The following TENM2 variants were observed in gnomAD, a reference collection of about 807,000 sequenced individuals.
TENM2 encodes teneurin transmembrane protein 2.
Under a neutral mutation model 245.2 loss-of-function variants are expected in TENM2, and 52 were observed. That is an observed-to-expected ratio of 0.21 (90% CI 0.17 to 0.27). TENM2 has a LOEUF of 0.27. Ranked by LOEUF, TENM2 falls within the 10% of genes least tolerant of loss-of-function variation. The pLI, the probability that TENM2 is intolerant of heterozygous loss-of-function variation, is 1.00. For synonymous variants in TENM2, 1,363 were observed against 1,438.9 expected, an observed-to-expected ratio of 0.95 and a Z score of 1.19; for missense variants, 3,046 against 3,666.8, an observed-to-expected ratio of 0.83 and a Z score of 4.37.
intron 2 of TENM2, among the ~76,000 whole-genome samples, chr5:167,624,277 A>G (rs1778362619): frequency 1.3e-5 from 2 of 152,184 alleles, no homozygotes; most frequent in South Asian, 4.1e-4. Context: ...AGCAACGTGG[A>G]TGCAGCTGCA....
chr5:167,561,211 A>G (rs926121943), intron 2 of TENM2, among the ~76,000 whole-genome samples: 3 of 152,212 alleles, frequency 2.0e-5, no homozygotes, highest in Non-Finnish European at 2.9e-5. Context: ...GGAAAACCTG[A>G]TGCAACCTGA....
exon 13 of TENM2, chr5:168,162,689 G>A: frequency 6.2e-7 from 1 of 1,614,074 alleles, no homozygotes; most frequent in Non-Finnish European, 8.5e-7. Flanking sequence ...TGCCAGACCG[G>A]CTGGAGAGGG....
At chr5:168,097,121 C>T (rs2152273532) in intron 8 of TENM2, among the ~76,000 whole-genome samples, 1 of 152,250 alleles carries the variant, frequency 6.6e-6, no homozygotes, top group South Asian at 2.1e-4. Flanking sequence ...CAAAATCCTG[C>T]CTAATTTAAG....
the TENM2 span, among the ~76,000 whole-genome samples, chr5:167,044,936 A>G: frequency 6.6e-6 from 1 of 152,212 alleles, no homozygotes; most frequent in Non-Finnish European, 1.5e-5. Flanking sequence ...GATGGTGTCC[A>G]GAGAAAATGG....
intron 1 of TENM2, among the ~76,000 whole-genome samples, chr5:167,326,702 A>AATATATATATATATAT (rs70976411): frequency 7.0e-6 from 1 of 143,220 alleles, no homozygotes; most frequent in Admixed American, 7.1e-5. Context: ...ATAATAAATA[A>AATATATATATATATAT]ATATATATAT....
the TENM2 span, among the ~76,000 whole-genome samples, chr5:167,160,781 T>G: frequency 6.6e-6 from 1 of 152,244 alleles, no homozygotes; most frequent in Non-Finnish European, 1.5e-5. Context: ...GAGGATGGGA[T>G]GTGCCTGTTT....
chr5:167,620,809 T>G (rs1372081431), intron 2 of TENM2, among the ~76,000 whole-genome samples: 1 of 152,028 alleles, frequency 6.6e-6, no homozygotes, highest in Non-Finnish European at 1.5e-5. Context: ...CTCAGGTTAT[T>G]TTTTGGTCTT....
the TENM2 span, among the ~76,000 whole-genome samples, chr5:167,234,526 AC>A: frequency 4.6e-5 from 7 of 152,172 alleles, no homozygotes; most frequent in Non-Finnish European, 1.0e-4. Context: ...ATCAACAGTA[AC>A]CCATTTCTTA....
intron 13 of TENM2, among the ~76,000 whole-genome samples, chr5:168,168,572 T>G (rs1482554891): frequency 6.6e-6 from 1 of 151,620 alleles, no homozygotes; most frequent in Non-Finnish European, 1.5e-5. Context: ...TAGTTCCAGC[T>G]ACTCAGGAGG....
At chr5:167,770,147 A>G (rs1423554316) in intron 2 of TENM2, among the ~76,000 whole-genome samples, 2 of 152,170 alleles carry the variant, frequency 1.3e-5, no homozygotes, top group Non-Finnish European at 2.9e-5. Context: ...TGGCTGTGGA[A>G]AGAATGATGA....
chr5:166,988,617 A>C, the TENM2 span, among the ~76,000 whole-genome samples: 1 of 152,364 alleles, frequency 6.6e-6, no homozygotes, highest in East Asian at 1.9e-4. Flanking sequence ...ATTCTGGCTA[A>C]CGTAGGTGGA....
intron 2 of TENM2, among the ~76,000 whole-genome samples, chr5:167,742,082 T>C (rs1443546466): frequency 1.3e-5 from 2 of 152,222 alleles, no homozygotes; most frequent in African/African-American, 4.8e-5. Flanking sequence ...TGGCAATTAA[T>C]TGCTCTACTT....
chr5:167,749,156 G>A (rs557491583), intron 2 of TENM2, among the ~76,000 whole-genome samples: 6 of 152,080 alleles, frequency 3.9e-5, no homozygotes, highest in South Asian at 4.1e-4. Context: ...TAGAGAAACC[G>A]AGGAAAAACA....
chr5:167,775,645 G>C (rs1223229565), intron 2 of TENM2, among the ~76,000 whole-genome samples: 2 of 152,010 alleles, frequency 1.3e-5, no homozygotes, highest in African/African-American at 2.4e-5. Flanking sequence ...AACATTTTCT[G>C]AGTACCTACT....
intron 13 of TENM2, among the ~76,000 whole-genome samples, chr5:168,182,368 G>T (rs4976579): frequency 0.4 from 60,589 of 151,988 alleles, 15,472 homozygotes; most frequent in African/African-American, 0.73. Context: ...ATTGAGCTTT[G>T]CCTCCATCTT....
the TENM2 span, among the ~76,000 whole-genome samples, chr5:167,035,166 ATAG>A: frequency 6.6e-6 from 1 of 152,216 alleles, no homozygotes; most frequent in Non-Finnish European, 1.5e-5. Context: ...ATTACTATGC[ATAG>A]TAGTTCTTTA....
At chr5:167,461,014 G>T (rs1214176189) in intron 2 of TENM2, among the ~76,000 whole-genome samples, 1 of 152,124 alleles carries the variant, frequency 6.6e-6, no homozygotes, top group East Asian at 1.9e-4. Flanking sequence ...CTTTTGATAG[G>T]AGGAGAGCCT....
chr5:167,484,034 C>T (rs940154811), intron 2 of TENM2, among the ~76,000 whole-genome samples: 3 of 152,098 alleles, frequency 2.0e-5, no homozygotes, highest in African/African-American at 7.2e-5. Context: ...TTGGAGGTTA[C>T]ACTACAACTA....
the TENM2 span, among the ~76,000 whole-genome samples, chr5:167,127,418 C>G: frequency 6.6e-6 from 1 of 151,966 alleles, no homozygotes; most frequent in Non-Finnish European, 1.5e-5. Flanking sequence ...ATTTTCCTAC[C>G]CTTCTAACTA....
Sources: gnomAD v4.1 joint callset for allele counts (sites outside exome capture counted in the v4.1 genomes callset) on GRCh38, gnomAD v4.1.1 for gene constraint, MANE v1.5 for transcripts, NCBI Gene and HGNC (gene_info 2026-07-23, HGNC 2026-07-21) for gene names.